The following LRRC20 variants were observed in gnomAD, a reference collection of about 807,000 sequenced individuals.
LRRC20 encodes leucine rich repeat containing 20.
In LRRC20, 11 loss-of-function variants were observed where a neutral mutation model predicts 14.4. That is an observed-to-expected ratio of 0.77 (90% CI 0.48 to 1.27). The LOEUF is 1.27. Among genes scored for constraint, LRRC20 ranks in the 50% most tolerant of loss-of-function variants. LRRC20 has a pLI of 0.00. For missense variants in LRRC20, 219 were observed against 251.2 expected (o/e 0.87, Z 0.87); for synonymous variants, 121 against 107.3 (o/e 1.13, Z -0.79).
At chr10:70,308,535 G>A (rs1225360200) in intron 4 of LRRC20, among the ~76,000 whole-genome samples, 2 of 152,206 alleles carry the variant, frequency 1.3e-5, no homozygotes, top group South Asian at 2.1e-4. Flanking sequence ...GGCCTTGAAT[G>A]CTGGGGGACA....
intron 2 of LRRC20, among the ~76,000 whole-genome samples, chr10:70,348,910 G>T (rs1446316197): frequency 6.6e-6 from 1 of 152,220 alleles, no homozygotes; most frequent in African/African-American, 2.4e-5. Flanking sequence ...GAAGGAAAAA[G>T]CCCCATGAGC....
Position 70,378,987 on chromosome 10 carries a change from T to C in LRRC20, c.-63-2391A>G, listed in dbSNP as rs114623140. ...AACAAACCAACACTTGTCTCCCCCA[T>C]TGACCTGTGGGCAGCTTGGGGCCAG... On this transcript the variant is annotated intron_variant, in intron 1 of 4. Transcript: ENST00000446961. Among the ~76,000 whole-genome samples, 1,430 of 152,190 alleles carry C rather than the reference T, an allele frequency of 9.4e-3. 21 individuals carry two copies. Among genetic ancestry groups the C allele is most frequent in the African/African-American group, 0.033 (1,355 of 41,524 alleles).
chr10:70,323,823 C>G, intron 4 of LRRC20, 40 bp downstream of exon 4: 1 of 1,609,578 alleles, frequency 6.2e-7, no homozygotes, highest in East Asian at 2.2e-5. Context: ...ATGAGCGCCT[C>G]GTGCAGCAGC....
intron 2 of LRRC20, among the ~76,000 whole-genome samples, chr10:70,369,488 C>T (rs1445981330): frequency 1.3e-5 from 2 of 151,102 alleles, no homozygotes; most frequent in Non-Finnish European, 2.9e-5. Context: ...TACCCTTGTA[C>T]AACAAAACAC....
chr10:70,329,292 C>T (rs1054640239), intron 3 of LRRC20, among the ~76,000 whole-genome samples: 3 of 152,154 alleles, frequency 2.0e-5, no homozygotes, highest in African/African-American at 4.8e-5. Flanking sequence ...AAAACCAGTT[C>T]GGCAAAAAGC....
At chr10:70,361,374 G>A (rs1298569121) in intron 2 of LRRC20, among the ~76,000 whole-genome samples, 3 of 152,226 alleles carry the variant, frequency 2.0e-5, no homozygotes, top group African/African-American at 7.2e-5. Context: ...CTAGTGTGGC[G>A]AGAAGGCAGT....
At chr10:70,373,753 T>C (rs1408303945) in intron 2 of LRRC20, among the ~76,000 whole-genome samples, 1 of 152,172 alleles carries the variant, frequency 6.6e-6, no homozygotes, top group African/African-American at 2.4e-5. Context: ...TCACCAAACA[T>C]GTGCCCCCAC....
intron 4 of LRRC20, among the ~76,000 whole-genome samples, 179 bp downstream of exon 4, chr10:70,323,684 A>G (rs959682773): frequency 2.6e-5 from 4 of 152,146 alleles, no homozygotes; most frequent in African/African-American, 9.7e-5. Context: ...CCCACCCAGC[A>G]CCCGGTAGGC....
chr10:70,376,411 C>G (rs746202314), intron 2 of LRRC20, 41 bp downstream of exon 2: 2 of 1,596,540 alleles, frequency 1.3e-6, no homozygotes, highest in South Asian at 2.2e-5. Flanking sequence ...GATCTCACAA[C>G]TGCTTCCAGG....
chr10:70,313,641 A>AC (rs1257953855), intron 4 of LRRC20, among the ~76,000 whole-genome samples: 2 of 152,180 alleles, frequency 1.3e-5, no homozygotes, highest in Non-Finnish European at 2.9e-5. Context: ...CAAAGACAAT[A>AC]CCAGCCCCTT....
At chr10:70,375,594 C>T (rs888964611) in intron 2 of LRRC20, among the ~76,000 whole-genome samples, 4 of 152,168 alleles carry the variant, frequency 2.6e-5, no homozygotes, top group African/African-American at 9.7e-5. Context: ...ACACACACCC[C>T]TACCTGCCTG....
At chr10:70,302,292 G>A (rs375001328) in intron 4 of LRRC20, among the ~76,000 whole-genome samples, 66 of 151,836 alleles carry the variant, frequency 4.3e-4, no homozygotes, top group African/African-American at 1.4e-3. Flanking sequence ...CAGCCTGGGC[G>A]ACAAAGCAAA....
At chr10:70,330,138 T>C (rs563764489) in intron 3 of LRRC20, among the ~76,000 whole-genome samples, 1 of 152,354 alleles carries the variant, frequency 6.6e-6, no homozygotes, top group African/African-American at 2.4e-5. Flanking sequence ...TTGGGAAGTA[T>C]GCCCTTCCCT....
chr10:70,365,053 C>CTTTTTTTTTTT (rs10581759), intron 2 of LRRC20, among the ~76,000 whole-genome samples: 7 of 71,428 alleles, frequency 9.8e-5, no homozygotes, highest in African/African-American at 3.7e-4. Context: ...TGAGATTCAA[C>CTTTTTTTTTTT]TTTTTTTTTT....
rs529056491 is a variant in LRRC20 at position 70,328,592 on chromosome 10, C to T, written c.233-4562G>A. On this transcript the variant is annotated intron_variant, in intron 3 of 4. Transcript: ENST00000446961. ...GATTACAGGCATGAGCCACCATGCC[C>T]GGTCAGAAAAGGGTAATCTTTGAAA... Among the ~76,000 whole-genome samples, 61 of 152,272 alleles carry T rather than the reference C, an allele frequency of 4.0e-4. No individual in the cohort carries two copies. The Middle Eastern group carries it at 0.01, about 25-fold the overall frequency.
At chr10:70,351,766 G>A (rs11816637) in intron 2 of LRRC20, among the ~76,000 whole-genome samples, 2,283 of 152,286 alleles carry the variant, frequency 0.015, 50 homozygotes, top group African/African-American at 0.052. Flanking sequence ...TGGGAGGGAT[G>A]TCTAACACGT....
intron 1 of LRRC20, among the ~76,000 whole-genome samples, chr10:70,378,244 C>T (rs1431782249): frequency 1.3e-5 from 2 of 152,184 alleles, no homozygotes; most frequent in African/African-American, 4.8e-5. Flanking sequence ...CTGTCCACCT[C>T]CAGGAAATCT....
At chr10:70,338,040 C>G (rs1238883874) in intron 3 of LRRC20, among the ~76,000 whole-genome samples, 1 of 152,218 alleles carries the variant, frequency 6.6e-6, no homozygotes, top group African/African-American at 2.4e-5. Context: ...CTAGAGGACC[C>G]TGGGACAAAC....
intron 4 of LRRC20, among the ~76,000 whole-genome samples, chr10:70,314,119 C>A (rs534047332): frequency 3.3e-5 from 5 of 152,224 alleles, no homozygotes; most frequent in African/African-American, 1.2e-4. Context: ...GAAACCACCC[C>A]CATGATTCAA....
Sources: gnomAD v4.1 joint callset for allele counts (sites outside exome capture counted in the v4.1 genomes callset) on GRCh38, gnomAD v4.1.1 for gene constraint, MANE v1.5 for transcripts, NCBI Gene and HGNC (gene_info 2026-07-23, HGNC 2026-07-21) for gene names.